GOLIM4: variants seen among roughly 807,000 people sequenced by gnomAD.
GOLIM4 encodes 130 kDa golgi-localized phosphoprotein.
In GOLIM4, 71 loss-of-function variants were observed where a neutral mutation model predicts 107.4. That is an observed-to-expected ratio of 0.66 (90% CI 0.55 to 0.81). The LOEUF is 0.81. Among genes scored for constraint, GOLIM4 ranks in the 30% least tolerant of loss-of-function variants. The pLI, the probability that GOLIM4 is intolerant of heterozygous loss-of-function variation, is 0.00. For missense variants in GOLIM4, 830 were observed against 826.1 expected, an observed-to-expected ratio of 1.00 and a Z score of -0.06; for synonymous variants, 327 against 294.8, an observed-to-expected ratio of 1.11 and a Z score of -1.12.
intron 9 of GOLIM4, among the ~76,000 whole-genome samples, chr3:168,032,155 T>C (rs58854017): frequency 0.016 from 2,452 of 152,178 alleles, 47 homozygotes; most frequent in African/African-American, 0.052. Context: ...GAAAATGAGA[T>C]TTTTCTCTGC....
At chr3:168,087,035 T>G (rs1009604054) in intron 1 of GOLIM4, among the ~76,000 whole-genome samples, 2 of 152,164 alleles carry the variant, frequency 1.3e-5, no homozygotes, top group Non-Finnish European at 2.9e-5. Context: ...TCAGTGTCTG[T>G]ATCCAACTTG....
chr3:168,048,157 T>C, intron 2 of GOLIM4, 134 bp downstream of exon 2: 1 of 660,276 alleles, frequency 1.5e-6, no homozygotes, highest in South Asian at 1.7e-5. Context: ...TTGACATGTC[T>C]TTCTCTGTCC....
At position 168,044,736 on chromosome 3, in the gene GOLIM4, A is replaced by C. The variant is rs533959316; in HGVS notation, c.366+92T>G. 8.2e-5 allele frequency: 60 copies of C among 731,964 alleles called. No homozygotes were observed. In the East Asian group the frequency reaches 1.1e-3, roughly 14 times the overall value. 45.3% of individuals were successfully genotyped at this position (731,964 alleles called of 1,614,324 possible). On this transcript the variant is annotated intron_variant, in intron 4 of 15. Coordinates refer to ENST00000470487, the MANE Select transcript of GOLIM4 (RefSeq NM_014498.5). ...ATTACAATACAAATCAACTTCTGTA[A>C]ACTTTCTTTAATCACTTTAAAGGCC... is the stretch of plus-strand genomic sequence containing the variant.
intron 8 of GOLIM4, among the ~76,000 whole-genome samples, chr3:168,033,089 C>T (rs1718430905): frequency 1.3e-5 from 2 of 152,120 alleles, no homozygotes; most frequent in African/African-American, 4.8e-5. Flanking sequence ...CAGTAAATAA[C>T]CTGGAAAATA....
intron 3 of GOLIM4, among the ~76,000 whole-genome samples, chr3:168,045,388 TGAG>T (rs1719240052): frequency 1.3e-5 from 2 of 152,162 alleles, no homozygotes; most frequent in Admixed American, 1.3e-4. Flanking sequence ...TTTACCCCAG[TGAG>T]GCTCTATTTT....
At chr3:168,043,230 G>T in intron 5 of GOLIM4, 149 bp downstream of exon 5, 1 of 593,884 alleles carries the variant, frequency 1.7e-6, no homozygotes, top group Non-Finnish European at 2.9e-6. Flanking sequence ...GAAGATACAT[G>T]TGAAACATTA....
chr3:168,040,434 A>T (rs1439745755), intron 7 of GOLIM4, among the ~76,000 whole-genome samples: 1 of 152,244 alleles, frequency 6.6e-6, no homozygotes. Flanking sequence ...GGTAGCTAGC[A>T]GCATAAAATC....
intron 14 of GOLIM4, among the ~76,000 whole-genome samples, chr3:168,022,442 T>A (rs913431852): frequency 6.6e-6 from 1 of 152,142 alleles, no homozygotes; most frequent in Non-Finnish European, 1.5e-5. Flanking sequence ...TTATAAACAA[T>A]GCAGTATGTG....
At chr3:168,086,530 C>G (rs1721636859) in intron 1 of GOLIM4, among the ~76,000 whole-genome samples, 1 of 152,130 alleles carries the variant, frequency 6.6e-6, no homozygotes, top group South Asian at 2.1e-4. Flanking sequence ...TTCATGCACT[C>G]CCAAAGAAAA....
Position 168,048,337 on chromosome 3 carries a change from C to A in GOLIM4, c.216G>T (p.Glu72Asp), listed in dbSNP as rs983890462. Reference sequence around the variant, plus strand: ...CAAGTCTTTCTTTTTGCAAGGATTTCTCTAATCTTGATCTGTGTTCATATA... The same window carrying A: ...CAAGTCTTTCTTTTTGCAAGGATTTATCTAATCTTGATCTGTGTTCATATA... ...QVVYEHRSRL[E>D]KSLQKERLEH... The change falls in exon 2 of 16, where the codon GAG becomes GAT. Residue 72 changes from glutamate to aspartate, a missense_variant. Glu to Asp is a conservative substitution (Grantham distance 45). Transcript: ENST00000470487. The A allele has an allele frequency of 6.5e-6, 10 of 1,539,732 alleles. No homozygotes were observed. Among genetic ancestry groups the A allele is most frequent in the Non-Finnish European group, 8.9e-6 (10 of 1,119,878 alleles).
chr3:168,057,008 C>G (rs996749265), intron 1 of GOLIM4, among the ~76,000 whole-genome samples: 1 of 152,108 alleles, frequency 6.6e-6, no homozygotes, highest in Non-Finnish European at 1.5e-5. Flanking sequence ...CTGTGTCCCC[C>G]ACCCAAATCT....
At chr3:168,034,730 G>T (rs1165111803) in intron 8 of GOLIM4, among the ~76,000 whole-genome samples, 5 of 152,146 alleles carry the variant, frequency 3.3e-5, no homozygotes, top group African/African-American at 1.2e-4. Context: ...CCGGTTAGAG[G>T]TAACTCAATC....
chr3:168,063,858 A>G (rs1366778931), intron 1 of GOLIM4, among the ~76,000 whole-genome samples: 3 of 151,988 alleles, frequency 2.0e-5, no homozygotes, highest in African/African-American at 7.3e-5. Flanking sequence ...CATCCTGCAC[A>G]TGTACCCCCG....
Position 168,010,096 on chromosome 3 carries a change from C to T in GOLIM4, c.*173G>A, listed in dbSNP as rs73037443. 0.11 allele frequency: 53,078 copies of T among 489,276 alleles called. 8,244 individuals are homozygous for T. Among genetic ancestry groups the T allele is most frequent in the African/African-American group, 0.53 (26,342 of 50,050 alleles). The allele number at this position is 489,276 out of a possible 1,614,324, so 30.3% of individuals were successfully genotyped here. A position where few individuals can be genotyped will look rare whatever the true frequency, so the allele number is the denominator to read the frequency against. ...GAATATAAAAGAAGCTCTAGACCTA[C>T]GTTATCAAAATATATTCATATAAAT... On this transcript the variant is annotated 3_prime_UTR_variant, in exon 16 of 16. Coordinates refer to ENST00000470487, the MANE Select transcript of GOLIM4 (RefSeq NM_014498.5).
intron 1 of GOLIM4, among the ~76,000 whole-genome samples, chr3:168,052,431 C>CAT (rs1233565925): frequency 1.3e-5 from 2 of 152,012 alleles, no homozygotes; most frequent in Non-Finnish European, 2.9e-5. Flanking sequence ...TATACACACA[C>CAT]ATATATCTGA....
intron 9 of GOLIM4, among the ~76,000 whole-genome samples, chr3:168,031,774 T>C (rs1718350371): frequency 6.6e-6 from 1 of 152,120 alleles, no homozygotes; most frequent in Non-Finnish European, 1.5e-5. Context: ...TTCAGAGTTA[T>C]AAATAGAAGG....
chr3:168,083,622 T>C (rs953841864), intron 1 of GOLIM4, among the ~76,000 whole-genome samples: 5 of 152,298 alleles, frequency 3.3e-5, no homozygotes, highest in Middle Eastern at 3.4e-3. Context: ...TAGTAAAACA[T>C]TTTTACAAAA....
chr3:168,043,286 G>T, intron 5 of GOLIM4, 93 bp downstream of exon 5: 1 of 806,106 alleles, frequency 1.2e-6, no homozygotes. Flanking sequence ...AATGTAAATC[G>T]ATCACCACTC....
chr3:168,012,909 C>T (rs1467615581), intron 14 of GOLIM4, among the ~76,000 whole-genome samples: 1 of 151,600 alleles, frequency 6.6e-6, no homozygotes, highest in Non-Finnish European at 1.5e-5. Context: ...TGGAAAGGAA[C>T]AACCGGAACC....
Sources: gnomAD v4.1 joint callset for allele counts (sites outside exome capture counted in the v4.1 genomes callset) on GRCh38, gnomAD v4.1.1 for gene constraint, MANE v1.5 for transcripts, NCBI Gene and HGNC (gene_info 2026-07-23, HGNC 2026-07-21) for gene names.